Variants in DIAPH2 observed in about 807,000 individuals in gnomAD.
DIAPH2 encodes protein diaphanous homolog 2.
DIAPH2 carries 35 observed loss-of-function variants against 92.7 expected under a neutral mutation model. The observed-to-expected ratio is 0.38, with a 90% CI of 0.29 to 0.50. The LOEUF (loss-of-function observed/expected upper bound fraction) is 0.50. DIAPH2 is among the 20% of genes least tolerant of loss of function. DIAPH2 has a pLI of 0.94. For synonymous variants in DIAPH2, 301 were observed against 280.4 expected, an observed-to-expected ratio of 1.07 and a Z score of -0.73; for missense variants, 701 against 819.5, an observed-to-expected ratio of 0.86 and a Z score of 1.77.
chrX:96,882,840 TC>T (rs778960296), intron 5 of DIAPH2, among the ~76,000 whole-genome samples: 1 of 103,845 alleles, frequency 9.6e-6, no homozygotes, highest in East Asian at 3.1e-4. Context: ...GCGCCTGTGG[TC>T]CCAGGTATTC....
At position 97,451,831 on chromosome X, in the gene DIAPH2, T is replaced by G. The variant is rs374457728; in HGVS notation, c.3241+22086T>G. 3.6e-5 allele frequency among the ~76,000 whole-genome samples: 4 copies of G among 111,830 alleles called. No homozygotes were observed. The East Asian group carries it at 8.3e-4, about 23-fold the overall frequency. On this transcript the variant is annotated intron_variant, in intron 26 of 26. Transcript: ENST00000324765. Reference sequence around the variant, plus strand: ...AATAATTATAAGAAAACCTACTGCTTCTGTTATTACACGTTTACAAAGCAA... The same window carrying G: ...AATAATTATAAGAAAACCTACTGCTGCTGTTATTACACGTTTACAAAGCAA...
At chrX:96,706,189 T>A (rs2063884660) in intron 1 of DIAPH2, among the ~76,000 whole-genome samples, 1 of 112,346 alleles carries the variant, frequency 8.9e-6, no homozygotes. Context: ...AGATCTGTCT[T>A]ATTTGAATAG....
intron 17 of DIAPH2, among the ~76,000 whole-genome samples, chrX:97,054,089 A>G (rs2066538987): frequency 1.8e-5 from 2 of 112,060 alleles, no homozygotes; most frequent in Non-Finnish European, 3.8e-5. Flanking sequence ...AAACATAATC[A>G]TAGATTAGCC....
intron 4 of DIAPH2, 113 bp from the exon 5 acceptor site, chrX:96,881,466 G>A (rs2065212586): frequency 1.7e-6 from 1 of 572,954 alleles, no homozygotes; most frequent in African/African-American, 2.3e-5. Flanking sequence ...GAATTTTTAA[G>A]TGTGTAGCAC....
At chrX:97,067,184 A>T (rs947081385) in intron 17 of DIAPH2, among the ~76,000 whole-genome samples, 4 of 111,988 alleles carry the variant, frequency 3.6e-5, no homozygotes, top group African/African-American at 1.3e-4. Context: ...TATTCCTCAC[A>T]AAACAGACTC....
intron 20 of DIAPH2, among the ~76,000 whole-genome samples, chrX:97,108,958 G>C (rs780569898): frequency 9.0e-6 from 1 of 111,517 alleles, no homozygotes; most frequent in South Asian, 3.8e-4. Context: ...ATAACAACAA[G>C]AACTATTGTT....
intron 4 of DIAPH2, among the ~76,000 whole-genome samples, chrX:96,826,555 C>T (rs2064817412): frequency 9.0e-6 from 1 of 110,860 alleles, no homozygotes; most frequent in Admixed American, 9.6e-5. Context: ...AATTACCACC[C>T]TTTTACGTTA....
rs147142185 is a variant in DIAPH2 at position 97,122,185 on chromosome X, G to A, written c.2589+7220G>A. On this transcript the variant is annotated intron_variant, in intron 21 of 26. Transcript: ENST00000324765. ...GGAAAACCTCATGTGAATTTTCTTG[G>A]CTCTCTGGCATGAAACTTGGAATCC... Among the ~76,000 whole-genome samples the A allele has an allele frequency of 1.3e-4, 14 of 111,467 alleles. No homozygotes were observed. In the East Asian group the frequency reaches 3.9e-3, roughly 31 times the overall value.
chrX:97,131,176 C>G (rs1200622788), intron 21 of DIAPH2, among the ~76,000 whole-genome samples: 1 of 109,951 alleles, frequency 9.1e-6, no homozygotes, highest in African/African-American at 3.3e-5. Context: ...ACAGTGATTC[C>G]CTCACAAAAA....
chrX:97,541,133 G>A (rs922777828), intron 26 of DIAPH2, among the ~76,000 whole-genome samples: 8 of 111,405 alleles, frequency 7.2e-5, no homozygotes, highest in East Asian at 2.8e-4. Flanking sequence ...TAAACATGAC[G>A]TTTCCTCCAA....
At chrX:97,325,909 C>G (rs1009780776) in intron 23 of DIAPH2, among the ~76,000 whole-genome samples, 14 of 112,187 alleles carry the variant, frequency 1.2e-4, no homozygotes, top group Non-Finnish European at 2.4e-4. Flanking sequence ...GGTGTGGTGC[C>G]TAGTTTTCAA....
At chrX:97,021,357 C>T (rs1038744094) in intron 17 of DIAPH2, among the ~76,000 whole-genome samples, 1 of 111,514 alleles carries the variant, frequency 9.0e-6, no homozygotes, top group South Asian at 3.8e-4. Context: ...TGCTACCACG[C>T]CCTGCTCCTT....
chrX:97,574,988 T>C (rs1439643573), intron 26 of DIAPH2, among the ~76,000 whole-genome samples: 1 of 112,308 alleles, frequency 8.9e-6, no homozygotes, highest in East Asian at 2.8e-4. Context: ...AATAAATAGA[T>C]GCAAAAATGA....
At chrX:97,245,391 G>A (rs1353197818) in intron 22 of DIAPH2, among the ~76,000 whole-genome samples, 1 of 110,208 alleles carries the variant, frequency 9.1e-6, no homozygotes, top group Non-Finnish European at 1.9e-5. Flanking sequence ...ATAACTCATT[G>A]CAGCCTCAAC....
At chrX:97,220,544 A>C (rs755184231) in intron 22 of DIAPH2, among the ~76,000 whole-genome samples, 1 of 111,620 alleles carries the variant, frequency 9.0e-6, no homozygotes, top group East Asian at 2.8e-4. Context: ...ATGAGATACC[A>C]GGGTGGGGCC....
chrX:97,074,577 C>A (rs989525226), intron 18 of DIAPH2, among the ~76,000 whole-genome samples: 8 of 111,554 alleles, frequency 7.2e-5, no homozygotes, highest in African/African-American at 2.6e-4. Flanking sequence ...CATAGATTTC[C>A]ATTTAAGAAA....
At position 97,384,005 on chromosome X, in the gene DIAPH2, C is replaced by T. The variant is rs777883968; in HGVS notation, c.3106C>T (p.Arg1036Cys). The change falls in exon 25 of 27, where the codon CGC becomes TGC. Residue 1036 changes from arginine (R) to cysteine (C), a missense_variant. Physicochemically the swap from Arg to Cys is radical, Grantham distance 180. This residue lies in a region of DIAPH2 where 536 missense variants were observed against 599.3 expected (regional missense o/e 0.89). Transcript: ENST00000324765. ...KEKAEQEKLE[R>C]QKKKKQLIDI... ...GAAAGCTGAACAAGAAAAGTTAGAA[C>T]GCCAGAAGAAAAAGAAACAACTCAT... is the stretch of plus-strand genomic sequence containing the variant. The T allele has an allele frequency of 4.0e-5, 48 of 1,199,318 alleles. No homozygotes were observed. In the Middle Eastern group the frequency reaches 7.0e-4, roughly 17 times the overall value.
intron 22 of DIAPH2, among the ~76,000 whole-genome samples, chrX:97,213,959 C>A (rs763928931): frequency 8.9e-6 from 1 of 111,912 alleles, no homozygotes; most frequent in Non-Finnish European, 1.9e-5. Context: ...TCCAGGAAAT[C>A]TTTACTGAGC....
At chrX:96,912,234 T>G in intron 5 of DIAPH2, 94 bp from the exon 6 acceptor site, 2 of 700,862 alleles carry the variant, frequency 2.9e-6, no homozygotes, top group South Asian at 5.4e-5. Context: ...TGAGACAGAA[T>G]TATCAGATTT....
Sources: gnomAD v4.1 joint callset for allele counts (sites outside exome capture counted in the v4.1 genomes callset) on GRCh38, gnomAD v4.1.1 for gene constraint, gnomAD v4.1.1 regional missense constraint, MANE v1.5 for transcripts, NCBI Gene and HGNC (gene_info 2026-07-23, HGNC 2026-07-21) for gene names.